The following TRAPPC2 variants were observed in gnomAD, a reference collection of about 807,000 sequenced individuals.
TRAPPC2 encodes the protein trafficking protein particle complex subunit 2, also known as sedlin.
A neutral mutation model predicts 10.0 loss-of-function variants in TRAPPC2; 4 were observed. That is an observed-to-expected ratio of 0.40 (90% CI 0.20 to 0.92). The LOEUF (loss-of-function observed/expected upper bound fraction) is 0.92. Ranked by LOEUF, TRAPPC2 falls within the 40% of genes least tolerant of loss-of-function variation. The pLI, the probability that TRAPPC2 is intolerant of heterozygous loss-of-function variation, is 0.35. For synonymous variants in TRAPPC2, 36 were observed against 37.3 expected (o/e 0.97, Z 0.12); for missense variants, 52 against 108.7 (o/e 0.48, Z 2.32).
rs142473297 is a variant in TRAPPC2 at position 13,715,836 on chromosome X, G to A, written c.324+168C>T. ...TGTGTTCCTAAATACATATTCACCT[G>A]GCTGTGAAGACTTACCTGCGGAGGG... On this transcript the variant is annotated intron_variant, in intron 5 of 5. Coordinates refer to ENST00000380579, the MANE Select transcript of TRAPPC2 (RefSeq NM_001011658.4). 1.3e-4 allele frequency: 130 copies of A among 971,699 alleles called. No individual in the cohort carries two copies. The African/African-American group carries it at 2.0e-3, about 15-fold the overall frequency. The allele number at this position is 971,699 out of a possible 1,213,427, so 80.1% of individuals were successfully genotyped here.
intron 2 of TRAPPC2, among the ~76,000 whole-genome samples, chrX:13,723,853 GTTA>G (rs1440296031): frequency 9.0e-6 from 1 of 111,352 alleles, no homozygotes; most frequent in African/African-American, 3.3e-5. Context: ...TTGTGAGTAT[GTTA>G]GGGCCCACGG....
At chrX:13,730,444 T>C (rs1234154574) in intron 2 of TRAPPC2, among the ~76,000 whole-genome samples, 5 of 111,795 alleles carry the variant, frequency 4.5e-5, no homozygotes, top group Non-Finnish European at 7.5e-5. Flanking sequence ...TGTGGAGAAA[T>C]AGGAACACTT....
chrX:13,716,756 C>T, intron 3 of TRAPPC2, 78 bp from the exon 4 acceptor site: 1 of 1,077,340 alleles, frequency 9.3e-7, no homozygotes, highest in Admixed American at 2.4e-5. Context: ...TCTGTAAATT[C>T]TATAGATGGT....
chrX:13,729,576 T>TA (rs1202891881), intron 2 of TRAPPC2, among the ~76,000 whole-genome samples: 1 of 112,136 alleles, frequency 8.9e-6, no homozygotes, highest in African/African-American at 3.2e-5. Context: ...ATCCCTTCCT[T>TA]ACACCTTATA....
Position 13,713,195 on chromosome X carries a change from A to T in TRAPPC2, c.*1212T>A, listed in dbSNP as rs1192115094. The T allele has an allele frequency of 9.0e-6, 1 of 110,529 alleles. No homozygotes were observed. Among genetic ancestry groups the T allele is most frequent in the Non-Finnish European group, 1.9e-5 (1 of 52,909 alleles). 9.1% of individuals were successfully genotyped at this position (110,529 alleles called of 1,213,427 possible). On this transcript the variant is annotated 3_prime_UTR_variant, in exon 6 of 6. Transcript: ENST00000380579. ...CCGGGCACGGTGGTTCATGCCTGTA[A>T]TCCTAGCACTTTGGGAGGCTGAGGC...
chrX:13,717,568 C>A (rs945471533), intron 3 of TRAPPC2, among the ~76,000 whole-genome samples: 1 of 110,407 alleles, frequency 9.1e-6, no homozygotes, highest in South Asian at 3.8e-4. Flanking sequence ...ATGGTGAAAT[C>A]CCATCTCTAC....
chrX:13,734,340 C>G (rs1237023671), intron 1 of TRAPPC2, among the ~76,000 whole-genome samples, 155 bp from the exon 2 acceptor site: 2 of 111,903 alleles, frequency 1.8e-5, no homozygotes, highest in African/African-American at 3.3e-5. Context: ...CCACAGCCCC[C>G]GAGAGGGCGG....
chrX:13,722,208 C>CAGAAAAAAAAAAAAA (rs1555898001), intron 2 of TRAPPC2: 1 of 36,116 alleles, frequency 2.8e-5, no homozygotes, highest in Non-Finnish European at 5.1e-5. Context: ...TAAGCAGCAG[C>CAGAAAAAAAAAAAAA]AAAAAAAAAA....
At chrX:13,727,072 A>G (rs1046996205) in intron 2 of TRAPPC2, among the ~76,000 whole-genome samples, 8 of 112,244 alleles carry the variant, frequency 7.1e-5, no homozygotes, top group Non-Finnish European at 3.8e-5. Context: ...CTAAATATAT[A>G]TGCACCCAAT....
intron 2 of TRAPPC2, among the ~76,000 whole-genome samples, chrX:13,723,328 C>T (rs891778774): frequency 1.2e-4 from 13 of 109,674 alleles, no homozygotes; most frequent in Admixed American, 7.8e-4. Context: ...CCACCATGCC[C>T]GGCTAATTTT....
Position 13,734,559 on chromosome X carries a change from C to T in TRAPPC2, c.-196G>A. 2.3e-6 allele frequency: 1 copy of T among 429,491 alleles called. No individual in the cohort carries two copies. Among genetic ancestry groups the T allele is most frequent in the Non-Finnish European group, 3.1e-6 (1 of 317,491 alleles). The allele number at this position is 429,491 out of a possible 1,213,427, so 35.4% of individuals were successfully genotyped here. A position where few individuals can be genotyped will look rare whatever the true frequency, so the allele number is the denominator to read the frequency against. ...GAGGCCGACAACGGAAACGCAATGT[C>T]AGTTTCCGCGGAAGAGACCCGCGCC... On this transcript the variant is annotated 5_prime_UTR_variant, in exon 1 of 6. Transcript: ENST00000380579.
intron 2 of TRAPPC2, chrX:13,720,301 T>C (rs1366411415): frequency 7.4e-6 from 1 of 135,977 alleles, no homozygotes; most frequent in African/African-American, 3.2e-5. Context: ...AAGTGTCTGG[T>C]AGAGTAAGCT....
Position 13,734,060 on chromosome X carries a change from A to G in TRAPPC2, c.-36T>C. The G allele has an allele frequency of 1.9e-6, 1 of 514,989 alleles. No individual in the cohort carries two copies. The highest frequency in any genetic ancestry group is 3.5e-6 in the Non-Finnish European group (1 of 286,832). The allele number at this position is 514,989 out of a possible 1,213,427, so 42.4% of individuals were successfully genotyped here. ...CTGGCTCACCTTTACCTCACAGCACACAATGGTTGGTACTCTAAAACGTTT... is the reference window on the plus strand; with the variant it reads ...CTGGCTCACCTTTACCTCACAGCACGCAATGGTTGGTACTCTAAAACGTTT... On this transcript the variant is annotated 5_prime_UTR_variant, in exon 2 of 6. Coordinates refer to ENST00000380579, the MANE Select transcript of TRAPPC2 (RefSeq NM_001011658.4).
At chrX:13,729,580 C>A (rs1325211598) in intron 2 of TRAPPC2, among the ~76,000 whole-genome samples, 2 of 112,062 alleles carry the variant, frequency 1.8e-5, no homozygotes, top group Non-Finnish European at 3.8e-5. Flanking sequence ...CTTCCTTACA[C>A]CTTATACAAA....
At chrX:13,724,400 TAAAAAAA>T (rs772302164) in intron 2 of TRAPPC2, among the ~76,000 whole-genome samples, 1 of 82,326 alleles carries the variant, frequency 1.2e-5, no homozygotes, top group South Asian at 5.4e-4. Flanking sequence ...AATATATATT[TAAAAAAA>T]AAAAAAAAAA....
intron 2 of TRAPPC2, among the ~76,000 whole-genome samples, chrX:13,725,766 T>C (rs951629026): frequency 2.1e-4 from 24 of 111,944 alleles, no homozygotes; most frequent in Non-Finnish European, 1.3e-4. Context: ...CTTTGATGAG[T>C]TGACAGAATG....
In TRAPPC2 at chrX:13,716,676, G is replaced by A. The variant is rs757600518; in HGVS notation, c.96C>T (p.Asp32=). 5.5e-5 allele frequency: 67 copies of A among 1,209,585 alleles called. No individual in the cohort carries two copies. Among genetic ancestry groups the A allele is most frequent in the Admixed American group, 1.1e-4 (5 of 45,742 alleles). The change falls in exon 4 of 6, where the codon GAC becomes GAT. Residue 32 remains aspartate (D), a splice_region_variant and synonymous_variant. Coordinates refer to ENST00000380579, the MANE Select transcript of TRAPPC2 (RefSeq NM_001011658.4). ...TGAACTGGTTCAGATGACGATGGTC[G>A]TCCTAGATGACAGTGTGAGCAACCA... ...FLPAGKAESK[D]DHRHLNQFIA... is the part of the protein sequence containing the mutation.
intron 2 of TRAPPC2, chrX:13,720,574 T>A (rs763071184): frequency 1.8e-5 from 2 of 112,618 alleles, no homozygotes; most frequent in African/African-American, 6.4e-5. Context: ...TTGAAGTATG[T>A]GTGCTATAAA....
At chrX:13,728,874 C>G (rs778611207) in intron 2 of TRAPPC2, among the ~76,000 whole-genome samples, 1 of 112,121 alleles carries the variant, frequency 8.9e-6, no homozygotes, top group Admixed American at 9.4e-5. Context: ...TCCAAAATCT[C>G]CTTAAGCTGA....
Sources: allele counts gnomAD v4.1 joint callset (sites outside exome capture counted in the v4.1 genomes callset), GRCh38; gene constraint gnomAD v4.1.1; transcripts MANE v1.5; gene names NCBI Gene and HGNC (gene_info 2026-07-23, HGNC 2026-07-21).